SLC39A11: variants seen among roughly 807,000 people sequenced by gnomAD.
SLC39A11 encodes zinc transporter ZIP11.
In SLC39A11, 33 loss-of-function variants were observed where a neutral mutation model predicts 36.1. The observed-to-expected ratio is 0.91, with a 90% CI of 0.69 to 1.22. The LOEUF is 1.22. SLC39A11 is among the 50% of genes most tolerant of loss of function. The pLI, the probability that SLC39A11 is intolerant of heterozygous loss-of-function variation, is 0.00. For missense variants in SLC39A11, 432 were observed against 430.3 expected, an observed-to-expected ratio of 1.00 and a Z score of -0.03; for synonymous variants, 166 against 170.3, an observed-to-expected ratio of 0.97 and a Z score of 0.20.
chr17:72,828,294 T>C (rs906416787), intron 6 of SLC39A11, among the ~76,000 whole-genome samples: 1 of 151,800 alleles, frequency 6.6e-6, no homozygotes, highest in Non-Finnish European at 1.5e-5. Flanking sequence ...GTCCTTAAAA[T>C]GAAAAGGAAG....
At chr17:72,718,782 C>T (rs186975215) in intron 7 of SLC39A11, among the ~76,000 whole-genome samples, 140 of 152,290 alleles carry the variant, frequency 9.2e-4, no homozygotes, top group African/African-American at 3.0e-3. Context: ...CTTGATTGTT[C>T]CATGATTGCT....
chr17:72,951,417 A>T (rs1180074222), intron 4 of SLC39A11, among the ~76,000 whole-genome samples: 1 of 152,120 alleles, frequency 6.6e-6, no homozygotes, highest in Non-Finnish European at 1.5e-5. Context: ...GAATTTCGCT[A>T]GTTTCTCTAG....
At chr17:72,739,126 C>T (rs982825855) in intron 6 of SLC39A11, among the ~76,000 whole-genome samples, 121 of 113,072 alleles carry the variant, frequency 1.1e-3, no homozygotes, top group Non-Finnish European at 1.7e-3. Context: ...TTGAGAATTT[C>T]GGATTTTTTT....
At chr17:72,724,396 G>T (rs1362445495) in intron 7 of SLC39A11, among the ~76,000 whole-genome samples, 3 of 152,152 alleles carry the variant, frequency 2.0e-5, no homozygotes, top group African/African-American at 7.2e-5. Context: ...AAGAATGGGA[G>T]GGGCACTTCT....
chr17:72,729,446 TATATATA>T (rs2074114206), intron 7 of SLC39A11, among the ~76,000 whole-genome samples: 3 of 9,558 alleles, frequency 3.1e-4, no homozygotes, highest in South Asian at 3.4e-3. Flanking sequence ...TATATATATA[TATATATA>T]TATATTTTTT....
At chr17:72,853,206 TCAGTAGAGACAGGG>T (rs2079454912) in intron 5 of SLC39A11, among the ~76,000 whole-genome samples, 4 of 144,084 alleles carry the variant, frequency 2.8e-5, no homozygotes, top group African/African-American at 5.1e-5. Flanking sequence ...TTTTTTTTTT[TCAGTAGAGACAGGG>T]TTTTGCTGCA....
At chr17:73,014,560 G>A (rs2090705070) in intron 4 of SLC39A11, among the ~76,000 whole-genome samples, 1 of 151,514 alleles carries the variant, frequency 6.6e-6, no homozygotes, top group African/African-American at 2.4e-5. Flanking sequence ...AGGAGACTGA[G>A]GCAAGAGGAT....
At chr17:72,963,480 A>G (rs563427668) in intron 4 of SLC39A11, among the ~76,000 whole-genome samples, 3 of 151,828 alleles carry the variant, frequency 2.0e-5, no homozygotes, top group Admixed American at 2.0e-4. Flanking sequence ...ACTGTGGGGT[A>G]TAATTCTTAA....
At chr17:72,983,869 T>C (rs764791689) in intron 4 of SLC39A11, among the ~76,000 whole-genome samples, 3 of 152,150 alleles carry the variant, frequency 2.0e-5, no homozygotes, top group Admixed American at 6.5e-5. Flanking sequence ...AACCCTGGGA[T>C]CTGCCCTCAC....
intron 5 of SLC39A11, among the ~76,000 whole-genome samples, chr17:72,912,433 CT>C (rs527360752): frequency 0.012 from 1,701 of 142,118 alleles, 9 homozygotes; most frequent in African/African-American, 0.023. Context: ...AGGACAATAT[CT>C]TTTTTTTTTT....
chr17:72,984,242 T>C (rs12943863), intron 4 of SLC39A11, among the ~76,000 whole-genome samples: 78,626 of 151,844 alleles, frequency 0.52, 21,311 homozygotes, highest in Middle Eastern at 0.69. Flanking sequence ...TAGCATTGCA[T>C]TGCACAGAGC....
intron 4 of SLC39A11, among the ~76,000 whole-genome samples, chr17:73,029,045 G>A (rs536051939): frequency 1.3e-5 from 2 of 151,890 alleles, no homozygotes; most frequent in East Asian, 1.9e-4. Flanking sequence ...TTGAACCCAG[G>A]AGGTGGAGGT....
intron 6 of SLC39A11, among the ~76,000 whole-genome samples, chr17:72,799,819 T>C (rs1280797832): frequency 6.9e-6 from 1 of 145,748 alleles, no homozygotes; most frequent in Admixed American, 6.8e-5. Context: ...TTTTTGCCCT[T>C]TGCCCTGTGA....
intron 6 of SLC39A11, among the ~76,000 whole-genome samples, chr17:72,797,690 C>A (rs1228429561): frequency 6.6e-6 from 1 of 152,078 alleles, no homozygotes; most frequent in Non-Finnish European, 1.5e-5. Context: ...CCATCGTGGC[C>A]CGGCTCTGCA....
intron 6 of SLC39A11, among the ~76,000 whole-genome samples, chr17:72,807,553 AC>A (rs2077299947): frequency 6.6e-6 from 1 of 152,138 alleles, no homozygotes; most frequent in Non-Finnish European, 1.5e-5. Context: ...AACCCCACCC[AC>A]TGACCTCCTA....
intron 5 of SLC39A11, among the ~76,000 whole-genome samples, chr17:72,862,156 A>G (rs928208784): frequency 2.6e-5 from 4 of 152,120 alleles, no homozygotes; most frequent in Non-Finnish European, 5.9e-5. Context: ...AATGAATCCA[A>G]TTAGTGCTAT....
intron 4 of SLC39A11, among the ~76,000 whole-genome samples, chr17:72,953,987 C>G (rs1416998187): frequency 6.6e-6 from 1 of 152,222 alleles, no homozygotes; most frequent in Non-Finnish European, 1.5e-5. Context: ...TCAACTAAGG[C>G]TGTGATGACC....
At chr17:72,919,758 G>A (rs916115519) in intron 5 of SLC39A11, among the ~76,000 whole-genome samples, 6 of 151,996 alleles carry the variant, frequency 3.9e-5, no homozygotes, top group Admixed American at 2.6e-4. Flanking sequence ...GCGTGGGGTG[G>A]AGACAGAGCT....
chr17:72,659,177 C>T (rs574821286), intron 7 of SLC39A11, among the ~76,000 whole-genome samples: 90 of 152,268 alleles, frequency 5.9e-4, no homozygotes, highest in African/African-American at 2.0e-3. Flanking sequence ...TTGGAAGGTC[C>T]CTGTCTTCAA....
Sources: allele counts gnomAD v4.1 joint callset (sites outside exome capture counted in the v4.1 genomes callset), GRCh38; gene constraint gnomAD v4.1.1; transcripts MANE v1.5; gene names NCBI Gene and HGNC (gene_info 2026-07-23, HGNC 2026-07-21).